CEP57L1: variants seen among roughly 807,000 people sequenced by gnomAD.
CEP57L1 encodes centrosomal protein 57 like 1, also known as centrosomal protein CEP57L1.
A neutral mutation model predicts 61.0 loss-of-function variants in CEP57L1; 37 were observed. The observed-to-expected ratio is 0.61, with a 90% CI of 0.47 to 0.80. CEP57L1 has a LOEUF of 0.80. Among genes scored for constraint, CEP57L1 ranks in the 30% least tolerant of loss-of-function variants. The probability of loss-of-function intolerance (pLI) is 0.00; values close to 1 mark genes in which losing one functional copy is unlikely to be tolerated. For missense variants in CEP57L1, 422 were observed against 524.7 expected (o/e 0.80, Z 1.91); for synonymous variants, 137 against 162.3 (o/e 0.84, Z 1.19).
intron 1 of CEP57L1, among the ~76,000 whole-genome samples, chr6:109,114,949 C>A (rs1433386847): frequency 6.6e-6 from 1 of 151,964 alleles, no homozygotes; most frequent in Non-Finnish European, 1.5e-5. Context: ...TGAAATATCA[C>A]CTTATACCCC....
At chr6:109,145,534 AC>A (rs977439654) in intron 2 of CEP57L1, among the ~76,000 whole-genome samples, 153 bp downstream of exon 2, 1 of 152,020 alleles carries the variant, frequency 6.6e-6, no homozygotes, top group Non-Finnish European at 1.5e-5. Flanking sequence ...TAGACAAATT[AC>A]TTGACATTTT....
intron 6 of CEP57L1, 65 bp downstream of exon 6, chr6:109,155,372 A>G (rs1773114338): frequency 1.2e-6 from 1 of 845,472 alleles, no homozygotes; most frequent in Non-Finnish European, 1.7e-6. Flanking sequence ...TTTTATTTTC[A>G]TTAACTGAAG....
chr6:109,116,719 A>G (rs763387643), intron 1 of CEP57L1, among the ~76,000 whole-genome samples: 2 of 152,182 alleles, frequency 1.3e-5, no homozygotes, highest in African/African-American at 4.8e-5. Flanking sequence ...AAAAATCTCC[A>G]GTAATGCCTT....
intron 1 of CEP57L1, among the ~76,000 whole-genome samples, chr6:109,096,369 G>A (rs1220216140): frequency 6.6e-6 from 1 of 152,174 alleles, no homozygotes. Flanking sequence ...AATAATACAT[G>A]ATATCACTGG....
rs759348670 is a variant in CEP57L1 at position 109,163,022 on chromosome 6, T to G, written c.*52T>G. 5 of 1,110,968 alleles carry G rather than the reference T, an allele frequency of 4.5e-6. No individual in the cohort carries two copies. In the South Asian group the frequency reaches 6.9e-5, roughly 15 times the overall value. 68.8% of individuals were successfully genotyped at this position (1,110,968 alleles called of 1,614,324 possible). A position where few individuals can be genotyped will look rare whatever the true frequency, so the allele number is the denominator to read the frequency against. On this transcript the variant is annotated 3_prime_UTR_variant, in exon 11 of 11. Coordinates refer to ENST00000517392, the MANE Select transcript of CEP57L1 (RefSeq NM_001271852.3). ...GAACTTTGTCAGTGAGACCTTGAAT[T>G]GTCTAAAGTGGTTTTAATTTAATAT...
At position 109,146,820 on chromosome 6, in the gene CEP57L1, C is replaced by G. The variant is rs780215692; in HGVS notation, c.223C>G (p.Gln75Glu). 9 of 1,609,764 alleles carry G rather than the reference C, an allele frequency of 5.6e-6. No individual in the cohort carries two copies. Among genetic ancestry groups the G allele is most frequent in the Non-Finnish European group, 7.6e-6 (9 of 1,177,976 alleles). ...KIHRLELERT[Q>E]AEDNLNILSR... ...TCATCGTTTAGAGCTGGAGAGAACA[C>G]AAGCTGAAGATAACCTGAACATTCT... Residue 75 changes from glutamine to glutamate, a missense_variant, in exon 3 of 11, where the codon CAA (glutamine) becomes GAA (glutamate). Physicochemically the swap from Gln to Glu is conservative, Grantham distance 29. Transcript: ENST00000517392.
intron 6 of CEP57L1, 68 bp downstream of exon 6, chr6:109,155,375 A>T (rs1460333306): frequency 2.4e-6 from 2 of 817,060 alleles, no homozygotes; most frequent in African/African-American, 1.8e-5. Flanking sequence ...TATTTTCATT[A>T]ACTGAAGCCT....
In CEP57L1 at chr6:109,124,498, T is replaced by C. The variant is rs115952857; in HGVS notation, c.-3-20721T>C. 1.3e-3 allele frequency among the ~76,000 whole-genome samples: 198 copies of C among 152,332 alleles called. 2 individuals carry two copies. Among genetic ancestry groups the C allele is most frequent in the African/African-American group, 4.5e-3 (187 of 41,578 alleles). ...ATCTTGACTTTGCCACTTAACTAGG[T>C]ATGGACCTTGGATGAAACAGTTTTT... On this transcript the variant is annotated intron_variant, in intron 1 of 10. Coordinates refer to ENST00000517392, the MANE Select transcript of CEP57L1 (RefSeq NM_001271852.3).
upstream of CEP57L1, chr6:109,095,504 C>G: frequency 1.0e-6 from 1 of 985,858 alleles, no homozygotes; most frequent in Non-Finnish European, 1.2e-6. Flanking sequence ...CAGGGGCCAC[C>G]GCGACGTTGC....
chr6:109,139,924 G>C (rs1020417858), intron 1 of CEP57L1, among the ~76,000 whole-genome samples: 5 of 151,944 alleles, frequency 3.3e-5, no homozygotes, highest in African/African-American at 1.2e-4. Flanking sequence ...GAACCACCAT[G>C]CCCAGGCTGG....
chr6:109,125,434 T>C (rs1428970798), intron 1 of CEP57L1, among the ~76,000 whole-genome samples: 2 of 151,044 alleles, frequency 1.3e-5, no homozygotes, highest in African/African-American at 4.9e-5. Flanking sequence ...AAAAAAAATG[T>C]AAAGGCCTAG....
At chr6:109,138,639 T>C (rs1771003715) in intron 1 of CEP57L1, among the ~76,000 whole-genome samples, 1 of 152,244 alleles carries the variant, frequency 6.6e-6, no homozygotes, top group African/African-American at 2.4e-5. Context: ...TATGTATGTG[T>C]GCTTTCTTGC....
rs1426002636 is a variant in CEP57L1 at position 109,167,516 on chromosome 6, T to C, written c.*4546T>C. ...GGCCAATGTAGTGAAACCCTGTCTC[T>C]ACTAAAAATAAAAAAAAATTAGCTG... is the stretch of plus-strand genomic sequence containing the variant. On this transcript the variant is annotated 3_prime_UTR_variant, in exon 11 of 11. Coordinates refer to ENST00000517392, the MANE Select transcript of CEP57L1 (RefSeq NM_001271852.3). Among the ~76,000 whole-genome samples, 2 of 151,990 alleles carry C rather than the reference T, an allele frequency of 1.3e-5. No homozygotes were observed. Among genetic ancestry groups the C allele is most frequent in the Non-Finnish European group, 2.9e-5 (2 of 68,000 alleles).
At position 109,165,591 on chromosome 6, in the gene CEP57L1, A is replaced by T. The variant is rs1440370819; in HGVS notation, c.*2621A>T. Among the ~76,000 whole-genome samples, 1 of 152,070 alleles carries T rather than the reference A, an allele frequency of 6.6e-6. No homozygotes were observed. Among genetic ancestry groups the T allele is most frequent in the Non-Finnish European group, 1.5e-5 (1 of 67,998 alleles). On this transcript the variant is annotated 3_prime_UTR_variant, in exon 11 of 11. Transcript: ENST00000517392. ...TTTCCTAGCCCAGGTTTCTAATGGG[A>T]GGGGGTAAAGAACACAGTCCTGTCA...
rs1421295939 is a variant in CEP57L1, at chr6:109,168,555, G to A, written c.*5585G>A. Among the ~76,000 whole-genome samples, 1 of 150,330 alleles carries A rather than the reference G, an allele frequency of 6.7e-6. No homozygotes were observed. Among genetic ancestry groups the A allele is most frequent in the Admixed American group, 6.6e-5 (1 of 15,096 alleles). ...TCATAGTACATACAGTCATACCGGT[G>A]GATTGTCAAATCAATTTAGCGGGTC... On this transcript the variant is annotated 3_prime_UTR_variant, in exon 11 of 11. Transcript: ENST00000517392.
rs185101223 is a variant in CEP57L1, at chr6:109,151,649, T to C, written c.462+1410T>C. 7.2e-5 allele frequency among the ~76,000 whole-genome samples: 11 copies of C among 152,314 alleles called. No individual in the cohort carries two copies. The East Asian group carries it at 2.1e-3, about 29-fold the overall frequency. ...CTTTTTATTTTTGTGTAGATTTTGT[T>C]TTCCATTTGATATCATTTTTCTTCA... On this transcript the variant is annotated intron_variant, in intron 4 of 10. Transcript: ENST00000517392.
At chr6:109,152,475 G>T (rs1053933073) in intron 4 of CEP57L1, among the ~76,000 whole-genome samples, 1 of 152,118 alleles carries the variant, frequency 6.6e-6, no homozygotes, top group African/African-American at 2.4e-5. Flanking sequence ...GAGCCACCAC[G>T]CCCGGCCTAG....
intron 1 of CEP57L1, chr6:109,129,305 A>G: frequency 9.5e-7 from 1 of 1,051,914 alleles, no homozygotes; most frequent in Non-Finnish European, 1.2e-6. Flanking sequence ...ATTTCCTAGA[A>G]AATGGATCCT....
At position 109,153,929 on chromosome 6, in the gene CEP57L1, A is replaced by C. The variant is rs761101503; in HGVS notation, c.559A>C (p.Thr187Pro). 8 of 1,600,124 alleles carry C rather than the reference A, an allele frequency of 5.0e-6. No individual in the cohort carries two copies. Among genetic ancestry groups the C allele is most frequent in the African/African-American group, 1.3e-5 (1 of 74,528 alleles). Residue 187 changes from threonine (T) to proline (P), a missense_variant, in exon 5 of 11, where the codon ACA (threonine) becomes CCA (proline). Transcript: ENST00000517392. ...AGAAAAAGAGTGTTTCAGACTTACA[A>C]CAACTCAGAAAACTGCTGAGGTAAG... Reference protein sequence around the residue: ...VLEKECFRLTTTQKTAEDKIK... With the variant: ...VLEKECFRLTPTQKTAEDKIK...
Sources: gnomAD v4.1 joint callset for allele counts (sites outside exome capture counted in the v4.1 genomes callset) on GRCh38, gnomAD v4.1.1 for gene constraint, MANE v1.5 for transcripts, NCBI Gene and HGNC (gene_info 2026-07-23, HGNC 2026-07-21) for gene names.